The following ADGRL2 variants were observed in gnomAD, a reference collection of about 807,000 sequenced individuals.
ADGRL2 encodes adhesion G protein-coupled receptor L2.
In ADGRL2, 44 loss-of-function variants were observed where a neutral mutation model predicts 157.4. The ratio of observed to expected loss-of-function variants is 0.28; its 90% confidence interval spans 0.22 to 0.36. ADGRL2 has a LOEUF of 0.36. ADGRL2 is among the 10% of genes least tolerant of loss of function. ADGRL2 has a pLI of 1.00. For synonymous variants in ADGRL2, 585 were observed against 624.7 expected (o/e 0.94, Z 0.95); for missense variants, 1,510 against 1,768.9 (o/e 0.85, Z 2.63).
At chr1:81,709,424 A>T (rs72718854) in intron 1 of ADGRL2, among the ~76,000 whole-genome samples, 4,567 of 152,278 alleles carry the variant, frequency 0.03, 95 homozygotes, top group South Asian at 0.051. Flanking sequence ...TGTACCATGG[A>T]TTCCAAATTG....
chr1:81,827,083 G>C (rs187646125), intron 1 of ADGRL2, among the ~76,000 whole-genome samples: 5 of 152,090 alleles, frequency 3.3e-5, no homozygotes, highest in African/African-American at 4.8e-5. Context: ...AGGGGAGTCC[G>C]CATATAGGGA....
At chr1:81,972,464 A>C (rs9438724) in intron 17 of ADGRL2, among the ~76,000 whole-genome samples, 33,871 of 152,126 alleles carry the variant, frequency 0.22, 4,110 homozygotes, top group Admixed American at 0.26. Context: ...TGAATATACT[A>C]GTTTAAGAAA....
At chr1:81,840,066 G>T (rs1407355147) in intron 2 of ADGRL2, among the ~76,000 whole-genome samples, 1 of 151,594 alleles carries the variant, frequency 6.6e-6, no homozygotes, top group Non-Finnish European at 1.5e-5. Flanking sequence ...ATGAAGGCAT[G>T]ATTCTTACTC....
chr1:81,431,170 A>G (rs1004871462), intron 1 of ADGRL2, among the ~76,000 whole-genome samples: 4 of 152,094 alleles, frequency 2.6e-5, no homozygotes, highest in Admixed American at 1.3e-4. Flanking sequence ...AAGATTTCCA[A>G]GGGATATCCG....
intron 1 of ADGRL2, among the ~76,000 whole-genome samples, chr1:81,824,948 C>CCT (rs3046312): frequency 0.039 from 5,033 of 127,836 alleles, 148 homozygotes; most frequent in South Asian, 0.082. Flanking sequence ...TTTTAATTCT[C>CCT]CTCTCTCTCT....
chr1:81,700,224 A>C (rs2083533621), intron 1 of ADGRL2, among the ~76,000 whole-genome samples: 1 of 152,220 alleles, frequency 6.6e-6, no homozygotes, highest in South Asian at 2.1e-4. Context: ...AAGAATTGTC[A>C]CAGGAAGATT....
intron 1 of ADGRL2, among the ~76,000 whole-genome samples, chr1:81,331,950 T>A (rs1002401104): frequency 6.6e-6 from 1 of 152,094 alleles, no homozygotes; most frequent in Non-Finnish European, 1.5e-5. Context: ...GTCACTTATG[T>A]CAGTTAAGTT....
intron 3 of ADGRL2, among the ~76,000 whole-genome samples, chr1:81,649,830 A>G (rs1250491882): frequency 6.6e-6 from 1 of 152,180 alleles, no homozygotes; most frequent in Non-Finnish European, 1.5e-5. Context: ...ATGGAAAAGC[A>G]CTGACTCCCG....
At position 81,748,825 on chromosome 1, in the gene ADGRL2, G is replaced by A. The variant is rs180798371; in HGVS notation, c.-142-12986G>A. Among the ~76,000 whole-genome samples the A allele has an allele frequency of 2.0e-3, 306 of 151,850 alleles. 2 individuals carry two copies. Among genetic ancestry groups the A allele is most frequent in the African/African-American group, 7.1e-3 (296 of 41,450 alleles). ...TGGGATTACAGGTGTGTGCCACCAC[G>A]CCTGGCTAATTTTTGTCTTTTTAGT... On this transcript the variant is annotated intron_variant, in intron 1 of 20. Transcript: ENST00000359929.
At chr1:81,398,522 CT>C (rs1169646679) in intron 1 of ADGRL2, among the ~76,000 whole-genome samples, 1 of 152,060 alleles carries the variant, frequency 6.6e-6, no homozygotes, top group African/African-American at 2.4e-5. Flanking sequence ...TGATTATCAT[CT>C]TTTTCCTCCC....
At chr1:81,539,358 A>T (rs1420072974) in intron 2 of ADGRL2, among the ~76,000 whole-genome samples, 1 of 152,150 alleles carries the variant, frequency 6.6e-6, no homozygotes, top group Non-Finnish European at 1.5e-5. Context: ...TAAAACGCAT[A>T]TTGACAGCTC....
At chr1:81,315,412 G>A (rs1321836768) in intron 1 of ADGRL2, among the ~76,000 whole-genome samples, 1 of 152,040 alleles carries the variant, frequency 6.6e-6, no homozygotes. Flanking sequence ...AGTTACTTCA[G>A]TTAATACCTC....
chr1:81,576,813 T>C (rs1031821107), intron 2 of ADGRL2, among the ~76,000 whole-genome samples: 3 of 152,174 alleles, frequency 2.0e-5, no homozygotes, highest in African/African-American at 7.2e-5. Flanking sequence ...ATCATACTTG[T>C]TGCATAAGTT....
intron 1 of ADGRL2, among the ~76,000 whole-genome samples, chr1:81,747,304 TA>T (rs1240222168): frequency 7.1e-6 from 1 of 141,742 alleles, no homozygotes; most frequent in African/African-American, 2.5e-5. Flanking sequence ...TATATATATA[TA>T]TATTTTTTTT....
At chr1:81,782,075 A>G (rs1434888172) in intron 2 of ADGRL2, among the ~76,000 whole-genome samples, 1 of 152,236 alleles carries the variant, frequency 6.6e-6, no homozygotes, top group African/African-American at 2.4e-5. Flanking sequence ...GGGTAACACT[A>G]AAATATTTAA....
intron 13 of ADGRL2, among the ~76,000 whole-genome samples, chr1:81,967,101 T>G (rs998258039): frequency 2.0e-5 from 3 of 152,198 alleles, no homozygotes; most frequent in Non-Finnish European, 4.4e-5. Context: ...AAGTTGATAC[T>G]TACGTAACTA....
intron 2 of ADGRL2, among the ~76,000 whole-genome samples, chr1:81,787,345 G>A (rs2087100825): frequency 1.3e-5 from 2 of 152,128 alleles, no homozygotes; most frequent in South Asian, 4.1e-4. Context: ...CTTTCATGTA[G>A]GGAAACTAAC....
intron 1 of ADGRL2, among the ~76,000 whole-genome samples, chr1:81,425,270 G>C (rs1265030551): frequency 6.6e-6 from 1 of 152,056 alleles, no homozygotes; most frequent in Non-Finnish European, 1.5e-5. Flanking sequence ...CCATGCATGT[G>C]TACACACACA....
At chr1:81,670,628 A>C (rs1244539131) in intron 3 of ADGRL2, among the ~76,000 whole-genome samples, 1 of 152,228 alleles carries the variant, frequency 6.6e-6, no homozygotes, top group African/African-American at 2.4e-5. Flanking sequence ...CACCAATCAG[A>C]GGCAGTAAGG....
Sources: allele counts gnomAD v4.1 joint callset (sites outside exome capture counted in the v4.1 genomes callset), GRCh38; gene constraint gnomAD v4.1.1; transcripts MANE v1.5; gene names NCBI Gene and HGNC (gene_info 2026-07-23, HGNC 2026-07-21).